Variants in REV3L observed in about 807,000 individuals in gnomAD.
REV3L encodes REV3 like, DNA directed polymerase zeta catalytic subunit, also known as DNA polymerase zeta catalytic subunit.
REV3L carries 69 observed loss-of-function variants against 299.4 expected under a neutral mutation model. That is an observed-to-expected ratio of 0.23 (90% confidence interval 0.19 to 0.28). The LOEUF is 0.28. REV3L is among the 10% of genes least tolerant of loss of function. REV3L has a pLI of 1.00. For missense variants in REV3L, 3,128 were observed against 3,693.8 expected (o/e 0.85, Z 3.97); for synonymous variants, 1,238 against 1,271.4 (o/e 0.97, Z 0.56).
At chr6:111,465,509 G>A (rs1294665902) in intron 1 of REV3L, among the ~76,000 whole-genome samples, 1 of 151,530 alleles carries the variant, frequency 6.6e-6, no homozygotes, top group Admixed American at 6.6e-5. Flanking sequence ...TGAGGCAGGC[G>A]GATCACTTGA....
chr6:111,367,032 T>C, intron 14 of REV3L, 83 bp downstream of exon 14: 2 of 1,191,682 alleles, frequency 1.7e-6, no homozygotes, highest in Non-Finnish European at 2.3e-6. Context: ...TAAAAAGCTC[T>C]GATTTTCATT....
chr6:111,398,906 T>A (rs1782800877), intron 4 of REV3L, among the ~76,000 whole-genome samples: 1 of 152,152 alleles, frequency 6.6e-6, no homozygotes, highest in African/African-American at 2.4e-5. Context: ...ACTTCCTTTC[T>A]ACCAAAACTA....
At chr6:111,392,666 A>G (rs1782056236) in intron 5 of REV3L, 4 of 395,416 alleles carry the variant, frequency 1.0e-5, no homozygotes, top group Non-Finnish European at 1.8e-5. Flanking sequence ...CCTTTTGTTA[A>G]TTAGGTAATA....
At position 111,376,295 on chromosome 6, in the gene REV3L, T is replaced by A; in HGVS notation, c.2060A>T (p.Asp687Val). ...KYTNIRKIEK[D>V]SPFIHMHRHP... ...ACGGTGCATATGTATAAAAGGGGAA[T>A]CCTTTTCGATTTTTCTAATGTTTGT... is the stretch of plus-strand genomic sequence containing the variant. Residue 687 changes from aspartate to valine, a missense_variant, in exon 13 of 32, where the codon GAT becomes GTT. Asp to Val is a radical substitution (Grantham distance 152). This residue lies in a region of REV3L where 2,409 missense variants were observed against 2,611.8 expected (regional missense o/e 0.92). Coordinates refer to ENST00000368802, the MANE Select transcript of REV3L (RefSeq NM_001372078.1). The A allele has an allele frequency of 1.2e-6, 2 of 1,613,574 alleles. No individual in the cohort carries two copies. Among genetic ancestry groups the A allele is most frequent in the Non-Finnish European group, 1.7e-6 (2 of 1,179,800 alleles).
intron 1 of REV3L, among the ~76,000 whole-genome samples, chr6:111,442,334 C>T (rs1389608760): frequency 3.0e-4 from 45 of 152,158 alleles, no homozygotes; most frequent in Admixed American, 1.3e-4. Context: ...GTCAGTATTG[C>T]ATCAAGTTTT....
chr6:111,434,652 A>G (rs1442438055), intron 1 of REV3L, among the ~76,000 whole-genome samples: 3 of 152,028 alleles, frequency 2.0e-5, no homozygotes, highest in Non-Finnish European at 4.4e-5. Flanking sequence ...AATCCAGTAA[A>G]GTTGTAGGAT....
intron 1 of REV3L, among the ~76,000 whole-genome samples, chr6:111,455,382 C>T (rs1274335800): frequency 6.6e-6 from 1 of 152,126 alleles, no homozygotes; most frequent in African/African-American, 2.4e-5. Flanking sequence ...GAGGTACATA[C>T]ATTTGAGCAA....
chr6:111,381,327 A>C lies in REV3L; in HGVS notation c.1214T>G (p.Phe405Cys), dbSNP rs61756665. The C allele has an allele frequency of 1.2e-6, 2 of 1,613,302 alleles. No individual in the cohort carries two copies. Among genetic ancestry groups the C allele is most frequent in the East Asian group, 2.2e-5 (1 of 44,802 alleles). ...TTTATGGTAGCACTGTTACTTACTG[A>C]AAACAGGTGACTCACTCAGTCTTTG... ...LTQRLSESPV[F>C]MDSSPDEALV... The change falls in exon 10 of 32, where the codon TTC becomes TGC. Residue 405 changes from phenylalanine to cysteine, a missense_variant and splice_region_variant. Transcript: ENST00000368802.
chr6:111,427,758 C>T (rs1443240062), intron 1 of REV3L, among the ~76,000 whole-genome samples: 1 of 152,160 alleles, frequency 6.6e-6, no homozygotes. Flanking sequence ...TATCCCTGTC[C>T]TAATAACTGG....
At chr6:111,372,125 A>G (rs1779863671) in intron 13 of REV3L, among the ~76,000 whole-genome samples, 1 of 152,260 alleles carries the variant, frequency 6.6e-6, no homozygotes, top group South Asian at 2.1e-4. Context: ...TAATAGAAAC[A>G]ACTTACAATA....
chr6:111,340,788 T>C (rs985653502), intron 21 of REV3L, among the ~76,000 whole-genome samples: 9 of 152,074 alleles, frequency 5.9e-5, no homozygotes. Flanking sequence ...AAAGAGTGCA[T>C]GGTCTTCTCA....
At chr6:111,337,528 A>G (rs561314470) in intron 21 of REV3L, among the ~76,000 whole-genome samples, 1 of 152,322 alleles carries the variant, frequency 6.6e-6, no homozygotes, top group Non-Finnish European at 1.5e-5. Context: ...AGATGATTAA[A>G]TAATTCCTTA....
At chr6:111,363,781 AT>A (rs1354577497) in intron 16 of REV3L, 71 bp downstream of exon 16, 1 of 1,496,796 alleles carries the variant, frequency 6.7e-7, no homozygotes, top group African/African-American at 1.4e-5. Context: ...AAAAAATTCC[AT>A]ACTTGTTTTA....
At chr6:111,391,429 T>C (rs1333658483) in intron 5 of REV3L, among the ~76,000 whole-genome samples, 3 of 152,156 alleles carry the variant, frequency 2.0e-5, no homozygotes, top group South Asian at 4.1e-4. Flanking sequence ...CCATTGTCTA[T>C]TTTAAAGGAA....
chr6:111,407,767 C>T (rs987454058), intron 3 of REV3L, among the ~76,000 whole-genome samples: 6 of 151,828 alleles, frequency 4.0e-5, no homozygotes, highest in Non-Finnish European at 5.9e-5. Context: ...AAACCCTGTC[C>T]TTACTAAAAA....
rs769009699 is a variant in REV3L at position 111,373,818 on chromosome 6, T to C, written c.4537A>G (p.Asn1513Asp). 4.3e-6 allele frequency: 7 copies of C among 1,614,120 alleles called. No individual in the cohort carries two copies. The highest frequency in any genetic ancestry group is 5.9e-6 in the Non-Finnish European group (7 of 1,179,980). ...TKALSQCKNRNVSTPSAFGEG... is the reference protein window; with the variant it reads ...TKALSQCKNRDVSTPSAFGEG... ...CCAAATGCTGAAGGTGTTGACACAT[T>C]TCGATTTTTACACTGAGAAAGTGCT... The change falls in exon 13 of 32, where the codon AAT becomes GAT. Residue 1513 changes from asparagine (N) to aspartate (D), a missense_variant. Around this residue, in one of 9 missense-constraint regions of REV3L, gnomAD observed 2,409 missense variants for 2,611.8 expected, o/e 0.92. Coordinates refer to ENST00000368802, the MANE Select transcript of REV3L (RefSeq NM_001372078.1).
chr6:111,340,087 T>G (rs1397332024), intron 21 of REV3L, among the ~76,000 whole-genome samples: 1 of 152,172 alleles, frequency 6.6e-6, no homozygotes, highest in African/African-American at 2.4e-5. Flanking sequence ...ATAGTTCATC[T>G]GGGGAGAAGG....
chr6:111,467,592 T>C (rs1004192453), intron 1 of REV3L, among the ~76,000 whole-genome samples: 1 of 152,206 alleles, frequency 6.6e-6, no homozygotes, highest in African/African-American at 2.4e-5. Context: ...GTTGCATCTG[T>C]ACTGAATGCG....
chr6:111,372,177 T>C (rs1009986381), intron 13 of REV3L, among the ~76,000 whole-genome samples: 2 of 152,176 alleles, frequency 1.3e-5, no homozygotes, highest in Non-Finnish European at 2.9e-5. Context: ...TTAAAACACA[T>C]ACATGCTCAT....
Sources: gnomAD v4.1 joint callset for allele counts (sites outside exome capture counted in the v4.1 genomes callset) on GRCh38, gnomAD v4.1.1 for gene constraint, gnomAD v4.1.1 regional missense constraint, MANE v1.5 for transcripts, NCBI Gene and HGNC (gene_info 2026-07-23, HGNC 2026-07-21) for gene names.